LRCH3: variants seen among roughly 807,000 people sequenced by gnomAD.
LRCH3 encodes leucine rich repeats and calponin homology domain containing 3.
LRCH3 carries 68 observed loss-of-function variants against 104.5 expected under a neutral mutation model. The observed-to-expected ratio is 0.65, with a 90% CI of 0.54 to 0.80. The LOEUF (loss-of-function observed/expected upper bound fraction) is 0.80, where lower values mean the gene tolerates loss of function less well. LRCH3 is among the 30% of genes least tolerant of loss of function. The pLI, the probability that LRCH3 is intolerant of heterozygous loss-of-function variation, is 0.00. For synonymous variants in LRCH3, 344 were observed against 361.3 expected, an observed-to-expected ratio of 0.95 and a Z score of 0.54; for missense variants, 951 against 953.9, an observed-to-expected ratio of 1.00 and a Z score of 0.04.
At chr3:197,807,286 G>A (rs989725623) in intron 1 of LRCH3, among the ~76,000 whole-genome samples, 3 of 150,142 alleles carry the variant, frequency 2.0e-5, no homozygotes, top group African/African-American at 4.9e-5. Context: ...GCGCGATCTC[G>A]GGTCACTGCC....
chr3:197,883,902 T>A lies in LRCH3; in HGVS notation c.*236T>A. The A allele has an allele frequency of 2.4e-6, 1 of 422,724 alleles. No homozygotes were observed. The allele number at this position is 422,724 out of a possible 1,614,324, so 26.2% of individuals were successfully genotyped here. ...TTTTCTCAGATGAAACTTCTCTTAC[T>A]GAAAACCCAGCACCTAACTTGGCTG... On this transcript the variant is annotated 3_prime_UTR_variant, in exon 21 of 21. Transcript: ENST00000425562. This position sits in a 1 kb window ranked among gnomAD's most constrained non-coding sequence, Gnocchi z 4.2.
chr3:197,791,487 G>C lies in LRCH3; in HGVS notation c.209G>C (p.Arg70Thr). ...CTGAGCCTGAGCGGCCGGAAACTGA[G>C]GGAGTTTCCCCGGGGAGCGGCCAAC... ...GVLSLSGRKL[R>T]EFPRGAANHD... The change falls in exon 1 of 21, where the codon AGG becomes ACG. Residue 70 changes from arginine to threonine, a missense_variant. By Grantham distance (71) the Arg-to-Thr change is moderately conservative. Coordinates refer to ENST00000425562, the MANE Select transcript of LRCH3 (RefSeq NM_001365715.1). 6.2e-7 allele frequency: 1 copy of C among 1,602,080 alleles called. No individual in the cohort carries two copies. Among genetic ancestry groups the C allele is most frequent in the Non-Finnish European group, 8.5e-7 (1 of 1,175,818 alleles).
intron 3 of LRCH3, among the ~76,000 whole-genome samples, chr3:197,819,350 A>G (rs1161456264): frequency 6.8e-6 from 1 of 147,930 alleles, no homozygotes; most frequent in Non-Finnish European, 1.5e-5. Context: ...TTTTTTTTCT[A>G]GCTAGGATTT....
At chr3:197,870,299 T>G in intron 18 of LRCH3, 21 bp downstream of exon 18, 1 of 1,605,272 alleles carries the variant, frequency 6.2e-7, no homozygotes, top group Non-Finnish European at 8.5e-7. Flanking sequence ...TACCTTTGAT[T>G]TACACTTTTT....
chr3:197,883,797 A>G lies in LRCH3; in HGVS notation c.*131A>G. On this transcript the variant is annotated 3_prime_UTR_variant, in exon 21 of 21. Transcript: ENST00000425562. The surrounding 1 kb of genome is among the most constrained non-coding windows in gnomAD (Gnocchi z 4.2). ...AGGGACCGTTCCCATGATTCCTAAC[A>G]GGAATATTTTGCTTCATTTCTCCAT... The G allele has an allele frequency of 1.0e-6, 1 of 998,366 alleles. No homozygotes were observed. The highest frequency in any genetic ancestry group is 1.3e-6 in the Non-Finnish European group (1 of 750,606). The allele number at this position is 998,366 out of a possible 1,614,324, so 61.8% of individuals were successfully genotyped here. A position where few individuals can be genotyped will look rare whatever the true frequency, so the allele number is the denominator to read the frequency against.
intron 4 of LRCH3, among the ~76,000 whole-genome samples, chr3:197,822,053 A>G (rs574914677): frequency 6.6e-6 from 1 of 152,340 alleles, no homozygotes; most frequent in South Asian, 2.1e-4. Flanking sequence ...GATACAGCAT[A>G]ATATTTAGTT....
intron 13 of LRCH3, among the ~76,000 whole-genome samples, chr3:197,853,395 G>A (rs1739884649): frequency 6.6e-6 from 1 of 151,990 alleles, no homozygotes; most frequent in South Asian, 2.1e-4. Context: ...TCACTGTGTT[G>A]GTCAGGCTGG....
chr3:197,863,554 C>T (rs555022836), intron 15 of LRCH3, among the ~76,000 whole-genome samples: 68 of 152,308 alleles, frequency 4.5e-4, no homozygotes, highest in Non-Finnish European at 8.2e-4. Context: ...CCATCGCGCT[C>T]GGCCTATTCT....
intron 5 of LRCH3, among the ~76,000 whole-genome samples, chr3:197,828,151 T>C (rs1318317094): frequency 3.3e-5 from 5 of 152,118 alleles, no homozygotes; most frequent in Admixed American, 3.3e-4. Flanking sequence ...GTAGATTTCT[T>C]TTTCTGATCA....
intron 20 of LRCH3, among the ~76,000 whole-genome samples, chr3:197,879,849 A>C (rs199934691): frequency 6.6e-6 from 1 of 150,728 alleles, no homozygotes. Context: ...TTTTTTTTAA[A>C]TAGAGGAGAA....
intron 8 of LRCH3, among the ~76,000 whole-genome samples, chr3:197,835,367 A>T (rs111879607): frequency 6.6e-6 from 1 of 151,590 alleles, no homozygotes; most frequent in Non-Finnish European, 1.5e-5. Flanking sequence ...TATTTTTAGT[A>T]GAGACGGGAT....
Position 197,820,417 on chromosome 3 carries a change from A to T in LRCH3, c.627A>T (p.Val209=), listed in dbSNP as rs1447866132. 6.3e-6 allele frequency: 10 copies of T among 1,586,488 alleles called. No individual in the cohort carries two copies. Among genetic ancestry groups the T allele is most frequent in the Non-Finnish European group, 8.6e-6 (10 of 1,156,812 alleles). ...TTAATGTAAGAAGAAATCACCTAGT[A>T]CATTTGCCTGAAGGTAAGAAACTAT... The part of the protein sequence containing the change: ...RDLNVRRNHL[V]HLPEELAELP... The change falls in exon 4 of 21, where the codon GTA becomes GTT. Residue 209 remains valine (V), a synonymous_variant. Coordinates refer to ENST00000425562, the MANE Select transcript of LRCH3 (RefSeq NM_001365715.1).
At chr3:197,840,051 A>G (rs908626178) in intron 10 of LRCH3, among the ~76,000 whole-genome samples, 1 of 152,098 alleles carries the variant, frequency 6.6e-6, no homozygotes, top group Non-Finnish European at 1.5e-5. Context: ...TTGACTGGAT[A>G]ACAGAGAGAA....
intron 12 of LRCH3, 98 bp downstream of exon 12, chr3:197,848,119 C>G: frequency 8.3e-7 from 1 of 1,207,468 alleles, no homozygotes; most frequent in Non-Finnish European, 1.2e-6. Context: ...AAAATGTCGA[C>G]CATTTTTCTC....
intron 1 of LRCH3, among the ~76,000 whole-genome samples, chr3:197,805,547 TAGAGGG>T (rs1169751717): frequency 1.4e-5 from 2 of 145,464 alleles, no homozygotes; most frequent in East Asian, 2.0e-4. Context: ...TTGGAGTTTT[TAGAGGG>T]GGACACGCCT....
At chr3:197,875,292 C>T (rs1374969866) in intron 19 of LRCH3, among the ~76,000 whole-genome samples, 1 of 152,224 alleles carries the variant, frequency 6.6e-6, no homozygotes, top group Admixed American at 6.5e-5. Flanking sequence ...AAAAAAAGTT[C>T]GCTGACCCCC....
chr3:197,803,413 C>T (rs770706850), intron 1 of LRCH3, among the ~76,000 whole-genome samples: 2 of 152,128 alleles, frequency 1.3e-5, no homozygotes, highest in African/African-American at 2.4e-5. Context: ...TCAGGAGATC[C>T]GGGGTGGAGT....
intron 20 of LRCH3, among the ~76,000 whole-genome samples, chr3:197,879,445 G>C (rs924819863): frequency 6.6e-6 from 1 of 151,540 alleles, no homozygotes; most frequent in Non-Finnish European, 1.5e-5. Context: ...AGGAGATCGA[G>C]ACCATCCTGG....
intron 12 of LRCH3, 127 bp downstream of exon 12, chr3:197,848,148 T>A: frequency 1.2e-6 from 1 of 818,826 alleles, no homozygotes; most frequent in Non-Finnish European, 1.9e-6. Context: ...GAATCTTGAC[T>A]AAATAGAGTG....
Sources: gnomAD v4.1 joint callset for allele counts (sites outside exome capture counted in the v4.1 genomes callset) on GRCh38, gnomAD v4.1.1 for gene constraint, Gnocchi (gnomAD v3.1) non-coding constraint, MANE v1.5 for transcripts, NCBI Gene and HGNC (gene_info 2026-07-23, HGNC 2026-07-21) for gene names.